The following SIRT1 variants were observed in gnomAD, a reference collection of about 807,000 sequenced individuals.
The protein encoded by SIRT1 is NAD-dependent protein deacetylase sirtuin-1.
In SIRT1, 24 loss-of-function variants were observed where a neutral mutation model predicts 67.9. That is an observed-to-expected ratio of 0.35 (90% CI 0.26 to 0.50). SIRT1 has a LOEUF of 0.50. Ranked by LOEUF, SIRT1 falls within the 20% of genes least tolerant of loss-of-function variation. The probability of loss-of-function intolerance (pLI) is 0.98; values close to 1 mark genes in which losing one functional copy is unlikely to be tolerated. For missense variants in SIRT1, 873 were observed against 937.2 expected, an observed-to-expected ratio of 0.93 and a Z score of 0.89; for synonymous variants, 378 against 350.7, an observed-to-expected ratio of 1.08 and a Z score of -0.87.
At chr10:67,891,996 A>G (rs1842581278) in intron 4 of SIRT1, among the ~76,000 whole-genome samples, 2 of 152,158 alleles carry the variant, frequency 1.3e-5, no homozygotes, top group Non-Finnish European at 2.9e-5. Context: ...CTTGGGTTGC[A>G]TTTTTGTCAG....
At chr10:67,913,675 C>T (rs576996010) in intron 8 of SIRT1, among the ~76,000 whole-genome samples, 10 of 152,136 alleles carry the variant, frequency 6.6e-5, no homozygotes, top group South Asian at 4.2e-4. Flanking sequence ...CTTTGGAAGC[C>T]GATGTTTTAA....
At chr10:67,902,347 C>G (rs1842757567) in intron 4 of SIRT1, among the ~76,000 whole-genome samples, 1 of 152,198 alleles carries the variant, frequency 6.6e-6, no homozygotes, top group Admixed American at 6.5e-5. Flanking sequence ...TTCCCAGCGT[C>G]TTCCCAATCC....
intron 7 of SIRT1, among the ~76,000 whole-genome samples, chr10:67,911,956 G>T (rs957245308): frequency 4.6e-5 from 7 of 152,052 alleles, no homozygotes; most frequent in Admixed American, 4.6e-4. Flanking sequence ...TAGAGATGGG[G>T]TTTCACCATG....
chr10:67,889,056 AT>A lies in SIRT1; in HGVS notation c.723del (p.Asn241LysfsTer7). The A allele has an allele frequency of 6.2e-7, 1 of 1,611,492 alleles. No individual in the cohort carries two copies. On this transcript the variant is annotated frameshift_variant, in exon 3 of 9. Coordinates refer to ENST00000212015, the MANE Select transcript of SIRT1 (RefSeq NM_012238.5). LOFTEE classifies it high-confidence loss of function. ...PPKRKKRKDI[N>X]TIEDAVKLLQ... ...AAAAGGAAAAAAAGAAAAGATATTAATACAATTGAAGATGCTGTGAAATTAC... is the reference window on the plus strand; with the variant it reads ...AAAAGGAAAAAAAGAAAAGATATTAAACAATTGAAGATGCTGTGAAATTAC...
At chr10:67,890,819 A>G (rs553041813) in intron 3 of SIRT1, among the ~76,000 whole-genome samples, 4 of 152,080 alleles carry the variant, frequency 2.6e-5, no homozygotes, top group African/African-American at 9.6e-5. Flanking sequence ...TCACGAGGTT[A>G]GGAGATCGAG....
chr10:67,904,155 C>T (rs1842786855), intron 4 of SIRT1, among the ~76,000 whole-genome samples: 1 of 136,664 alleles, frequency 7.3e-6, no homozygotes, highest in Non-Finnish European at 1.5e-5. Flanking sequence ...TTTAAAGGCT[C>T]TCACTCTGTC....
intron 7 of SIRT1, among the ~76,000 whole-genome samples, chr10:67,910,968 G>A (rs1842890861): frequency 6.6e-6 from 1 of 152,180 alleles, no homozygotes; most frequent in African/African-American, 2.4e-5. Flanking sequence ...GGCAGCCAGA[G>A]TAAACAGTTG....
chr10:67,914,555 T>TA (rs1163302678), intron 8 of SIRT1, among the ~76,000 whole-genome samples: 1 of 152,186 alleles, frequency 6.6e-6, no homozygotes, highest in Non-Finnish European at 1.5e-5. Flanking sequence ...GCTACTGACT[T>TA]AGATACACAG....
At chr10:67,900,950 C>G (rs1056660229) in intron 4 of SIRT1, among the ~76,000 whole-genome samples, 1 of 151,964 alleles carries the variant, frequency 6.6e-6, no homozygotes, top group South Asian at 2.1e-4. Flanking sequence ...ATTATATATT[C>G]TTGAAGAGTT....
chr10:67,899,751 T>C (rs1295311371), intron 4 of SIRT1, among the ~76,000 whole-genome samples: 1 of 152,108 alleles, frequency 6.6e-6, no homozygotes, highest in Non-Finnish European at 1.5e-5. Flanking sequence ...TTTTTGTCTT[T>C]TTGATCTAGG....
chr10:67,906,895 C>T lies in SIRT1; in HGVS notation c.1048C>T (p.Leu350=). The T allele has an allele frequency of 6.2e-7, 1 of 1,610,722 alleles. No individual in the cohort carries two copies. Among genetic ancestry groups the T allele is most frequent in the South Asian group, 1.1e-5 (1 of 90,522 alleles). ...CAACTATACCCAGAACATAGACACG[C>T]TGGAACAGGTTGCGGGAATCCAAAG... is the stretch of plus-strand genomic sequence containing the variant. ...LRNYTQNIDT[L]EQVAGIQRII... is the part of the protein sequence containing the mutation. Residue 350 remains leucine (L), a synonymous_variant, in exon 5 of 9, where the codon CTG becomes TTG. Coordinates refer to ENST00000212015, the MANE Select transcript of SIRT1 (RefSeq NM_012238.5).
intron 7 of SIRT1, among the ~76,000 whole-genome samples, chr10:67,911,735 C>T (rs2131888059): frequency 6.7e-6 from 1 of 148,724 alleles, no homozygotes; most frequent in Non-Finnish European, 1.5e-5. Context: ...ATCCTTCTGT[C>T]TGTCCTTCCT....
chr10:67,903,834 T>C (rs530909882), intron 4 of SIRT1, among the ~76,000 whole-genome samples: 4 of 152,196 alleles, frequency 2.6e-5, no homozygotes, highest in Non-Finnish European at 5.9e-5. Flanking sequence ...CAGTTCTGCT[T>C]CCACTCTTGG....
intron 7 of SIRT1, among the ~76,000 whole-genome samples, chr10:67,911,371 T>G (rs2131887467): frequency 6.6e-6 from 1 of 152,218 alleles, no homozygotes; most frequent in South Asian, 2.1e-4. Flanking sequence ...TTAAATTTTT[T>G]TTTGTAGAAA....
chr10:67,894,568 A>G (rs1321999281), intron 4 of SIRT1, among the ~76,000 whole-genome samples: 2 of 152,176 alleles, frequency 1.3e-5, no homozygotes, highest in East Asian at 3.8e-4. Flanking sequence ...CCAGCAAGTA[A>G]CTAGAAGTTA....
rs779860991 is a variant in SIRT1, at chr10:67,916,604, G to A, written c.*11G>A. The A allele has an allele frequency of 2.5e-6, 4 of 1,593,532 alleles. No individual in the cohort carries two copies. The Admixed American group carries it at 6.8e-5, about 27-fold the overall frequency. ...TCAAACAAATCATAGTGTAATAATT[G>A]TGCAGGTACAGGAATTGTTCCACCA... is the stretch of plus-strand genomic sequence containing the variant. On this transcript the variant is annotated 3_prime_UTR_variant, in exon 9 of 9. Coordinates refer to ENST00000212015, the MANE Select transcript of SIRT1 (RefSeq NM_012238.5).
chr10:67,910,206 C>G (rs1842878325), intron 7 of SIRT1, among the ~76,000 whole-genome samples: 2 of 152,022 alleles, frequency 1.3e-5, no homozygotes, highest in South Asian at 4.1e-4. Flanking sequence ...GAAACCCTGT[C>G]TCTACTAAAA....
At position 67,918,142 on chromosome 10, in the gene SIRT1, ATGT is replaced by A. The variant is rs1186034364; in HGVS notation, c.*1551_*1553del. 2 of 152,600 alleles carry A rather than the reference ATGT, an allele frequency of 1.3e-5. No homozygotes were observed. Among genetic ancestry groups the A allele is most frequent in the African/African-American group, 4.8e-5 (2 of 41,434 alleles). The allele number at this position is 152,600 out of a possible 1,614,324, so 9.5% of individuals were successfully genotyped here. ...GTATATTTAGTTTTCCATTTGCATGATGTTTGTGTGCTATAGATGATATTTTAA... is the reference window on the plus strand; with the variant it reads ...GTATATTTAGTTTTCCATTTGCATGATTGTGTGCTATAGATGATATTTTAA... On this transcript the variant is annotated 3_prime_UTR_variant, in exon 9 of 9. Coordinates refer to ENST00000212015, the MANE Select transcript of SIRT1 (RefSeq NM_012238.5).
intron 4 of SIRT1, among the ~76,000 whole-genome samples, chr10:67,892,790 C>T (rs1842594100): frequency 3.3e-5 from 5 of 152,058 alleles, no homozygotes; most frequent in Admixed American, 3.3e-4. Flanking sequence ...TTAGTAGAGA[C>T]AGGGTTTCAC....
Sources: allele counts gnomAD v4.1 joint callset (sites outside exome capture counted in the v4.1 genomes callset), GRCh38; gene constraint gnomAD v4.1.1; transcripts MANE v1.5; gene names NCBI Gene and HGNC (gene_info 2026-07-23, HGNC 2026-07-21).